C11orf65: variants seen among roughly 807,000 people sequenced by gnomAD.
C11orf65 encodes chromosome 11 open reading frame 65.
Under a neutral mutation model 35.3 loss-of-function variants are expected in C11orf65, and 38 were observed. That is an observed-to-expected ratio of 1.08 (90% CI 0.83 to 1.41). C11orf65 has a LOEUF of 1.41. Ranked by LOEUF, C11orf65 falls within the 40% of genes most tolerant of loss-of-function variation. The pLI, the probability that C11orf65 is intolerant of heterozygous loss-of-function variation, is 0.00. For synonymous variants in C11orf65, 105 were observed against 114.4 expected (o/e 0.92, Z 0.53); for missense variants, 370 against 367.1 (o/e 1.01, Z -0.06).
chr11:108,445,328 C>G (rs184433393), intron 2 of C11orf65, among the ~76,000 whole-genome samples: 1 of 152,146 alleles, frequency 6.6e-6, no homozygotes, highest in African/African-American at 2.4e-5. Context: ...CCCTGACCCC[C>G]GAGCAGCCTA....
At chr11:108,407,913 C>A (rs1432178145) in intron 3 of C11orf65, among the ~76,000 whole-genome samples, 1 of 101,284 alleles carries the variant, frequency 9.9e-6, no homozygotes. Context: ...GCCTGGGCGA[C>A]AGAGCAAGAC....
At chr11:108,320,872 C>T (rs1330168593) in intron 6 of C11orf65, among the ~76,000 whole-genome samples, 1 of 151,986 alleles carries the variant, frequency 6.6e-6, no homozygotes, top group African/African-American at 2.4e-5. Context: ...TAGATTAACA[C>T]ATATTTTGTA....
chr11:108,386,173 A>C (rs1310324266), intron 7 of C11orf65, among the ~76,000 whole-genome samples, 198 bp from the exon 8 acceptor site: 10 of 152,206 alleles, frequency 6.6e-5, no homozygotes, highest in Non-Finnish European at 1.5e-5. Context: ...GAGTTGAAGG[A>C]GGTATAAAAA....
chr11:108,425,612 A>G (rs934421856), intron 3 of C11orf65, among the ~76,000 whole-genome samples: 1 of 152,208 alleles, frequency 6.6e-6, no homozygotes, highest in Admixed American at 6.5e-5. Context: ...ATTCCAAACA[A>G]TAGAAAAAGA....
chr11:108,343,243 AGT>A lies in C11orf65; in HGVS notation c.227-7953_227-7952del, dbSNP rs879254036. 3 of 1,613,880 alleles carry A rather than the reference AGT, an allele frequency of 1.9e-6. No homozygotes were observed. Among genetic ancestry groups the A allele is most frequent in the Non-Finnish European group, 2.5e-6 (3 of 1,179,934 alleles). On this transcript the variant is annotated intron_variant, in intron 2 of 3. Transcript: ENST00000524755. ...CCAGGTGGTTCCCCTCTCTCAGCGA[AGT>A]GGTGTTCTTGAATGGTGCACAGGAA...
At chr11:108,366,798 C>T (rs1351931225) in intron 2 of C11orf65, 1 of 230,236 alleles carries the variant, frequency 4.3e-6, no homozygotes, top group African/African-American at 2.2e-5. Flanking sequence ...GTATAAGCTT[C>T]CATGTGTCCC....
chr11:108,317,329 T>TA (rs937807056), intron 6 of C11orf65: 1 of 1,586,364 alleles, frequency 6.3e-7, no homozygotes. Context: ...TTTCTGTTGA[T>TA]ATCTTTGATT....
At chr11:108,376,649 T>C (rs1423951514) in intron 2 of C11orf65, among the ~76,000 whole-genome samples, 2 of 151,398 alleles carry the variant, frequency 1.3e-5, no homozygotes, top group African/African-American at 4.9e-5. Flanking sequence ...CTGAAGGAAA[T>C]AGAGACACAA....
chr11:108,330,351 T>C (rs1555123191), downstream of C11orf65: 4 of 1,614,212 alleles, frequency 2.5e-6, no homozygotes, highest in African/African-American at 1.3e-5. Context: ...GAACATGATA[T>C]GTGGGTATTC....
rs1357962849 is a variant in C11orf65 at position 108,376,700 on chromosome 11, T to C, written c.226+16508A>G. 5.3e-5 allele frequency among the ~76,000 whole-genome samples: 8 copies of C among 152,264 alleles called. No individual in the cohort carries two copies. In the East Asian group the frequency reaches 1.5e-3, roughly 29 times the overall value. On this transcript the variant is annotated intron_variant, in intron 2 of 3. Transcript: ENST00000524755. ...ATTAATGAATCCAGGAGCTGGTTTTTTGAAAGGATCAACAAAATTAATAGA... is the reference window on the plus strand; with the variant it reads ...ATTAATGAATCCAGGAGCTGGTTTTCTGAAAGGATCAACAAAATTAATAGA...
At chr11:108,404,240 T>C (rs1012153912) in intron 6 of C11orf65, among the ~76,000 whole-genome samples, 1 of 152,212 alleles carries the variant, frequency 6.6e-6, no homozygotes, top group African/African-American at 2.4e-5. Flanking sequence ...GTACTGCAAG[T>C]GAAGCTGTAA....
intron 2 of C11orf65, among the ~76,000 whole-genome samples, chr11:108,443,153 C>A (rs1402659036): frequency 2.7e-5 from 4 of 150,836 alleles, no homozygotes; most frequent in Admixed American, 2.0e-4. Flanking sequence ...AACAAACAAA[C>A]AAAAAAAGCA....
rs876660429 is a variant in C11orf65, at chr11:108,326,177, G to A, written c.641-17106C>T. Reference sequence around the variant, plus strand: ...CAAAAAAGGAGCAGAGTCTTGCCCTGAGTATTCTCAAGCAAATGATCAAGA... The same window carrying A: ...CAAAAAAGGAGCAGAGTCTTGCCCTAAGTATTCTCAAGCAAATGATCAAGA... On this transcript the variant is annotated intron_variant, in intron 6 of 6. Transcript: ENST00000525729. 3 of 1,614,178 alleles carry A rather than the reference G, an allele frequency of 1.9e-6. No individual in the cohort carries two copies. Among genetic ancestry groups the A allele is most frequent in the Non-Finnish European group, 1.7e-6 (2 of 1,180,028 alleles).
chr11:108,403,455 C>T (rs940794174), intron 6 of C11orf65, among the ~76,000 whole-genome samples: 1 of 87,922 alleles, frequency 1.1e-5, no homozygotes, highest in South Asian at 3.9e-4. Flanking sequence ...GATTCAAGAA[C>T]TTTGTCAGAT....
rs142379836 is a variant in C11orf65, at chr11:108,425,718, A to G, written c.174+6028T>C. On this transcript the variant is annotated intron_variant, in intron 3 of 8. Coordinates refer to ENST00000393084, the MANE Select transcript of C11orf65 (RefSeq NM_152587.5). ...AAAGAAGAAAATTTCAGGCCAATAT[A>G]CCTGATGAACATCAATGTGAAAATC... is the stretch of plus-strand genomic sequence containing the variant. Among the ~76,000 whole-genome samples the G allele has an allele frequency of 2.4e-4, 37 of 152,256 alleles. 1 individual carries two copies. The East Asian group carries it at 7.1e-3, about 29-fold the overall frequency.
chr11:108,331,789 G>A (rs1460661811), intron 3 of C11orf65: 2 of 1,462,522 alleles, frequency 1.4e-6, no homozygotes, highest in African/African-American at 1.4e-5. Flanking sequence ...TATCTAGACA[G>A]TAATACACAT....
At chr11:108,360,377 A>G (rs1173043027) in intron 2 of C11orf65, among the ~76,000 whole-genome samples, 2 of 150,402 alleles carry the variant, frequency 1.3e-5, no homozygotes, top group African/African-American at 4.9e-5. Flanking sequence ...ACAAGGAGGA[A>G]CTGGTACCAT....
chr11:108,375,839 G>C (rs567214165), intron 2 of C11orf65, among the ~76,000 whole-genome samples: 1,877 of 152,086 alleles, frequency 0.012, 48 homozygotes, highest in African/African-American at 0.042. Flanking sequence ...TGCAATACTA[G>C]TCTCTGATAA....
chr11:108,372,029 C>T (rs77295002), intron 2 of C11orf65, among the ~76,000 whole-genome samples: 1,686 of 152,320 alleles, frequency 0.011, 40 homozygotes, highest in African/African-American at 0.037. Flanking sequence ...CTTCAATTGA[C>T]GGTTTCAAAA....
Sources: allele counts gnomAD v4.1 joint callset (sites outside exome capture counted in the v4.1 genomes callset), GRCh38; gene constraint gnomAD v4.1.1; transcripts MANE v1.5; gene names NCBI Gene and HGNC (gene_info 2026-07-23, HGNC 2026-07-21).